RUFY1: variants seen among roughly 807,000 people sequenced by gnomAD.
RUFY1 encodes the protein RUN and FYVE domain-containing protein 1.
A neutral mutation model predicts 94.6 loss-of-function variants in RUFY1; 54 were observed. The observed-to-expected ratio is 0.57, with a 90% CI of 0.46 to 0.72. The LOEUF (loss-of-function observed/expected upper bound fraction) is 0.72, where lower values mean the gene tolerates loss of function less well. Among genes scored for constraint, RUFY1 ranks in the 30% least tolerant of loss-of-function variants. The pLI is 0.00. For missense variants in RUFY1, 883 were observed against 883.9 expected, an observed-to-expected ratio of 1.00 and a Z score of 0.01; for synonymous variants, 396 against 347.3, an observed-to-expected ratio of 1.14 and a Z score of -1.56.
chr5:179,559,944 C>G, intron 1 of RUFY1, 81 bp from the exon 2 acceptor site: 1 of 1,522,526 alleles, frequency 6.6e-7, no homozygotes, highest in Middle Eastern at 1.9e-4. Context: ...TCCTGCCTGA[C>G]CCGTCTTCTC....
intron 1 of RUFY1, among the ~76,000 whole-genome samples, chr5:179,553,020 G>A (rs1028694822): frequency 3.3e-5 from 5 of 152,234 alleles, no homozygotes; most frequent in Non-Finnish European, 7.3e-5. Context: ...GGTGGAAAGG[G>A]CCAGGCACTC....
intron 2 of RUFY1, among the ~76,000 whole-genome samples, chr5:179,561,681 T>TC (rs1762467876): frequency 2.8e-5 from 2 of 71,848 alleles, no homozygotes; most frequent in African/African-American, 1.0e-4. Flanking sequence ...TTTCTTTCTT[T>TC]TTTTTTTTTT....
At chr5:179,559,873 A>T in intron 1 of RUFY1, 152 bp from the exon 2 acceptor site, 1 of 1,425,728 alleles carries the variant, frequency 7.0e-7, no homozygotes, top group East Asian at 2.6e-5. Context: ...GGGACTACTT[A>T]CCTGCGAATC....
chr5:179,562,138 G>T (rs1027722140), intron 2 of RUFY1, among the ~76,000 whole-genome samples: 1 of 152,020 alleles, frequency 6.6e-6, no homozygotes. Context: ...AGCAGGCCGG[G>T]CGCTGTGGCT....
intron 16 of RUFY1, chr5:179,607,246 G>A: frequency 2.9e-6 from 1 of 340,292 alleles, no homozygotes. Context: ...AGGGTTGCAG[G>A]CACCAGAAGC....
rs147752763 is a variant in RUFY1, at chr5:179,595,642, C to T, written c.1511+679C>T. On this transcript the variant is annotated intron_variant, in intron 12 of 17. Coordinates refer to ENST00000319449, the MANE Select transcript of RUFY1 (RefSeq NM_025158.5). Reference sequence around the variant, plus strand: ...TCTCAGCTCACCGCAATCTCTACCTCCCAGGTTCAAGCAATTCTCCTGCCT... The same window carrying T: ...TCTCAGCTCACCGCAATCTCTACCTTCCAGGTTCAAGCAATTCTCCTGCCT... Among the ~76,000 whole-genome samples the T allele has an allele frequency of 5.5e-3, 840 of 151,910 alleles. 9 individuals are homozygous for T. Among genetic ancestry groups the T allele is most frequent in the African/African-American group, 0.02 (817 of 41,408 alleles).
At chr5:179,586,332 AAG>A (rs1363135553) in intron 8 of RUFY1, 1 of 457,144 alleles carries the variant, frequency 2.2e-6, no homozygotes. Flanking sequence ...TCTCACTAGG[AAG>A]AGAGAATGAA....
intron 5 of RUFY1, chr5:179,572,605 G>A: frequency 4.5e-6 from 1 of 222,990 alleles, no homozygotes; most frequent in South Asian, 7.3e-5. Context: ...GGTGCTCCAT[G>A]GATGAGGCTC....
At chr5:179,577,192 G>C in intron 6 of RUFY1, 56 bp downstream of exon 6, 3 of 669,952 alleles carry the variant, frequency 4.5e-6, no homozygotes, top group Non-Finnish European at 6.0e-6. Context: ...TTTTTTTTGA[G>C]ACAGAATCTG....
intron 5 of RUFY1, among the ~76,000 whole-genome samples, chr5:179,570,464 T>G (rs902421458): frequency 3.3e-5 from 5 of 152,034 alleles, no homozygotes; most frequent in Non-Finnish European, 7.4e-5. Context: ...AGGTGTAGAG[T>G]GCTCTGTGGG....
chr5:179,585,710 C>G (rs1764556031), intron 7 of RUFY1, 86 bp from the exon 8 acceptor site: 1 of 972,226 alleles, frequency 1.0e-6, no homozygotes, highest in Admixed American at 2.0e-5. Flanking sequence ...TACAGGAAAT[C>G]TAGGAATCTC....
chr5:179,564,688 A>G (rs1045872729), intron 3 of RUFY1, among the ~76,000 whole-genome samples: 1 of 152,084 alleles, frequency 6.6e-6, no homozygotes, highest in Admixed American at 6.6e-5. Context: ...AAAAAAAGAA[A>G]AAAAAATCAT....
At chr5:179,595,821 A>T (rs959676605) in intron 12 of RUFY1, 1 of 152,578 alleles carries the variant, frequency 6.6e-6, no homozygotes, top group African/African-American at 2.4e-5. Flanking sequence ...AAGTGCTGGG[A>T]TTATAGGCAT....
chr5:179,576,507 G>A (rs1763622089), intron 5 of RUFY1, among the ~76,000 whole-genome samples: 1 of 152,100 alleles, frequency 6.6e-6, no homozygotes, highest in African/African-American at 2.4e-5. Context: ...TGCAACTTCC[G>A]CCTCCCAGGT....
intron 8 of RUFY1, among the ~76,000 whole-genome samples, chr5:179,587,453 C>T (rs975850303): frequency 6.7e-6 from 1 of 148,866 alleles, no homozygotes. Context: ...ACGTGATCTC[C>T]GCTCACTGCA....
At chr5:179,582,703 C>T (rs10479544) in intron 7 of RUFY1, among the ~76,000 whole-genome samples, 57,987 of 151,578 alleles carry the variant, frequency 0.38, 11,547 homozygotes, top group African/African-American at 0.47. Context: ...ATTAGGCAGG[C>T]GTGGTGGTGC....
Position 179,594,917 on chromosome 5 carries a change from G to A in RUFY1, c.1465G>A (p.Gly489Arg), listed in dbSNP as rs959654688. 9 of 1,613,602 alleles carry A rather than the reference G, an allele frequency of 5.6e-6. No individual in the cohort carries two copies. Among genetic ancestry groups the A allele is most frequent in the East Asian group, 2.2e-5 (1 of 44,832 alleles). Reference protein sequence around the residue: ...QKNEAITSFEGKTNQVMSSMK... With the variant: ...QKNEAITSFERKTNQVMSSMK... ...GAATGAAGCCATCACATCCTTTGAA[G>A]GAAAAACCAACCAAGTTATGTCCAG... Residue 489 changes from glycine to arginine, a missense_variant, in exon 12 of 18, where the codon GGA becomes AGA. Physicochemically the swap from Gly to Arg is moderately radical, Grantham distance 125. Transcript: ENST00000319449.
intron 7 of RUFY1, among the ~76,000 whole-genome samples, chr5:179,582,401 A>AT (rs1384339837): frequency 2.0e-5 from 3 of 151,870 alleles, no homozygotes; most frequent in East Asian, 3.9e-4. Flanking sequence ...AATTTTTTGT[A>AT]TTTTTTGTAG....
At chr5:179,563,984 T>C (rs1384861150) in intron 3 of RUFY1, among the ~76,000 whole-genome samples, 1 of 152,110 alleles carries the variant, frequency 6.6e-6, no homozygotes, top group African/African-American at 2.4e-5. Flanking sequence ...AATGACCTTT[T>C]TCATGAGCCT....
Sources: gnomAD v4.1 joint callset for allele counts (sites outside exome capture counted in the v4.1 genomes callset) on GRCh38, gnomAD v4.1.1 for gene constraint, MANE v1.5 for transcripts, NCBI Gene and HGNC (gene_info 2026-07-23, HGNC 2026-07-21) for gene names.